The following ZSCAN31 variants were observed in gnomAD, a reference collection of about 807,000 sequenced individuals.
The protein encoded by ZSCAN31 is zinc finger and SCAN domain containing 31, also known as zinc finger and SCAN domain-containing protein 31.
A neutral mutation model predicts 22.5 loss-of-function variants in ZSCAN31; 14 were observed. The ratio of observed to expected loss-of-function variants is 0.62; its 90% CI spans 0.41 to 0.97. The LOEUF (loss-of-function observed/expected upper bound fraction) is 0.97, where lower values mean the gene tolerates loss of function less well. Among genes scored for constraint, ZSCAN31 ranks in the 50% least tolerant of loss-of-function variants. The probability of loss-of-function intolerance (pLI) is 0.00; values close to 1 mark genes in which losing one functional copy is unlikely to be tolerated. For synonymous variants in ZSCAN31, 168 were observed against 169.8 expected (o/e 0.99, Z 0.08); for missense variants, 424 against 483.4 (o/e 0.88, Z 1.15).
Position 28,329,680 on chromosome 6 carries a change from C to A in ZSCAN31, c.4G>T (p.Ala2Ser). The change falls in exon 2 of 4, where the codon GCT becomes TCT. Residue 2 changes from alanine to serine, a missense_variant. Transcript: ENST00000344279. MASTEEQYDLKI... is the reference protein window; with the variant it reads MSSTEEQYDLKI... ...AGATCGTACTGTTCCTCTGTTGAAG[C>A]CATTCCTGGGGTTAATTTGGAAGGC... 6.2e-7 allele frequency: 1 copy of A among 1,608,078 alleles called. No individual in the cohort carries two copies. The highest frequency in any genetic ancestry group is 8.5e-7 in the Non-Finnish European group (1 of 1,176,316).
chr6:28,348,575 A>C (rs1739293018), intron 2 of ZSCAN31, among the ~76,000 whole-genome samples: 1 of 152,048 alleles, frequency 6.6e-6, no homozygotes, highest in South Asian at 2.1e-4. Flanking sequence ...CTCAGTCCTC[A>C]GTTCTGTTTC....
At chr6:28,339,290 A>G (rs963086678), upstream of ZSCAN31, among the ~76,000 whole-genome samples, 8 of 151,996 alleles carry the variant, frequency 5.3e-5, no homozygotes, top group African/African-American at 1.9e-4. Flanking sequence ...CTCACATTCC[A>G]TTAATTTTTT....
intron 2 of ZSCAN31, among the ~76,000 whole-genome samples, chr6:28,344,996 A>G (rs1764582265): frequency 6.6e-6 from 1 of 151,150 alleles, no homozygotes; most frequent in African/African-American, 2.4e-5. Flanking sequence ...AAAAGAAAAA[A>G]TTAGCCGGCA....
At chr6:28,337,451 C>T (rs374681063), upstream of ZSCAN31, among the ~76,000 whole-genome samples, 1 of 152,144 alleles carries the variant, frequency 6.6e-6, no homozygotes, top group East Asian at 1.9e-4. Context: ...GAGACTACTA[C>T]AAGAATCCAG....
At chr6:28,343,176 T>A (rs1197482577) in intron 2 of ZSCAN31, among the ~76,000 whole-genome samples, 1 of 152,194 alleles carries the variant, frequency 6.6e-6, no homozygotes, top group Non-Finnish European at 1.5e-5. Context: ...AAAACTGGAA[T>A]GAACATATTT....
chr6:28,353,153 G>A (rs1044160328), intron 2 of ZSCAN31, among the ~76,000 whole-genome samples: 1 of 151,962 alleles, frequency 6.6e-6, no homozygotes, highest in Non-Finnish European at 1.5e-5. Flanking sequence ...ATTTTTAGTA[G>A]AGACGGGGTT....
chr6:28,351,025 G>T lies in ZSCAN31; in HGVS notation c.-371+2837C>A, dbSNP rs1475607263. 1.3e-5 allele frequency among the ~76,000 whole-genome samples: 2 copies of T among 152,164 alleles called. No homozygotes were observed. The highest frequency in any genetic ancestry group is 2.1e-4 in the South Asian group (1 of 4,832). ...TTTTCGAGCTTCCAGGAACGCCCTA[G>T]CCTGAAACTGGCTTCATACTAACAC... On this transcript the variant is annotated intron_variant, in intron 2 of 7. Coordinates refer to the ZSCAN31 transcript ENST00000396838. The surrounding 1 kb of genome is among the most constrained non-coding windows in gnomAD (Gnocchi z 4.6).
At chr6:28,339,557 G>T (rs1266332215), upstream of ZSCAN31, among the ~76,000 whole-genome samples, 1 of 152,054 alleles carries the variant, frequency 6.6e-6, no homozygotes, top group Non-Finnish European at 1.5e-5. Context: ...CAATGTGCTG[G>T]GATTACAGGC....
At chr6:28,329,065 C>T (rs144436694) in intron 2 of ZSCAN31, among the ~76,000 whole-genome samples, 4,234 of 152,308 alleles carry the variant, frequency 0.028, 73 homozygotes, top group South Asian at 0.051. Flanking sequence ...CTCCTGCCAA[C>T]AGCCAGTGAG....
intron 2 of ZSCAN31, chr6:28,353,767 G>T (rs1474589): frequency 0.15 from 68,662 of 450,816 alleles, 6,306 homozygotes; most frequent in African/African-American, 0.27. Flanking sequence ...ATAGAGAAAA[G>T]AAAAGGTCAA....
chr6:28,328,732 T>C (rs1763505842), intron 2 of ZSCAN31, among the ~76,000 whole-genome samples: 1 of 152,188 alleles, frequency 6.6e-6, no homozygotes, highest in Non-Finnish European at 1.5e-5. Context: ...ACAAGGGTAT[T>C]GATTGGGGAA....
chr6:28,329,186 G>C, intron 2 of ZSCAN31, 117 bp downstream of exon 2: 1 of 1,271,910 alleles, frequency 7.9e-7, no homozygotes, highest in Non-Finnish European at 1.1e-6. Context: ...AGGTTTAGGG[G>C]TAATTTGTTA....
chr6:28,336,678 G>A (rs1480878634), upstream of ZSCAN31: 2 of 152,204 alleles, frequency 1.3e-5, no homozygotes, highest in Non-Finnish European at 2.9e-5. Context: ...TATGGACGGG[G>A]TTGACATTTG....
chr6:28,335,762 T>G (rs1764114993), intron 1 of ZSCAN31: 1 of 152,234 alleles, frequency 6.6e-6, no homozygotes, highest in Non-Finnish European at 1.5e-5. Context: ...GTACTCCCGG[T>G]CGGGACCCCT....
chr6:28,336,531 A>G (rs144611047), upstream of ZSCAN31, among the ~76,000 whole-genome samples: 149 of 152,324 alleles, frequency 9.8e-4, no homozygotes, highest in Admixed American at 2.5e-3. Context: ...TGAGGCTTTT[A>G]TAATAAAGTT....
chr6:28,329,478 C>T lies in ZSCAN31; in HGVS notation c.206G>A (p.Arg69Lys). 3.1e-6 allele frequency: 5 copies of T among 1,614,184 alleles called. No homozygotes were observed. The highest frequency in any genetic ancestry group is 3.3e-5 in the Admixed American group (2 of 60,024). ...TTGCTCTTTGGTGTGGATTTCTGGC[C>T]TTAGCCACTGATGACAGAGTTCTCG... ...RLRELCHQWLRPEIHTKEQIL... is the reference protein window; with the variant it reads ...RLRELCHQWLKPEIHTKEQIL... The change falls in exon 2 of 4, where the codon AGG becomes AAG. Residue 69 changes from arginine (R) to lysine (K), a missense_variant. By Grantham distance (26) the Arg-to-Lys change is conservative. Transcript: ENST00000344279.
intron 2 of ZSCAN31, among the ~76,000 whole-genome samples, chr6:28,343,538 C>CTTTTTTTTTTTTTTT (rs1764506598): frequency 7.7e-6 from 1 of 130,284 alleles, no homozygotes; most frequent in African/African-American, 3.0e-5. Flanking sequence ...TTTTTTTTTT[C>CTTTTTTTTTTTTTTT]TTTCTTTTTT....
At chr6:28,327,296 C>T in intron 3 of ZSCAN31, 87 bp downstream of exon 3, 1 of 1,472,110 alleles carries the variant, frequency 6.8e-7, no homozygotes, top group Non-Finnish European at 9.2e-7. Context: ...CCAACCCAGG[C>T]AATTTAGCCC....
intron 2 of ZSCAN31, chr6:28,341,934 G>T (rs953697571): frequency 6.6e-6 from 1 of 152,210 alleles, no homozygotes; most frequent in Admixed American, 6.5e-5. Flanking sequence ...GCCCTAGAAG[G>T]AATGTTCTTC....
Sources: gnomAD v4.1 joint callset for allele counts (sites outside exome capture counted in the v4.1 genomes callset) on GRCh38, gnomAD v4.1.1 for gene constraint, Gnocchi (gnomAD v3.1) non-coding constraint, MANE v1.5 for transcripts, NCBI Gene and HGNC (gene_info 2026-07-23, HGNC 2026-07-21) for gene names.